Variants in BOD1L1 observed in about 807,000 individuals in gnomAD.
BOD1L1 encodes biorientation of chromosomes in cell division 1 like 1, also known as biorientation of chromosomes in cell division protein 1-like 1.
A neutral mutation model predicts 240.7 loss-of-function variants in BOD1L1; 86 were observed. The ratio of observed to expected loss-of-function variants is 0.36; its 90% confidence interval spans 0.30 to 0.43. The LOEUF is 0.43. Ranked by LOEUF, BOD1L1 falls within the 20% of genes least tolerant of loss-of-function variation. The pLI, the probability that BOD1L1 is intolerant of heterozygous loss-of-function variation, is 1.00. For synonymous variants in BOD1L1, 1,268 were observed against 1,272.3 expected (o/e 1.00, Z 0.07); for missense variants, 3,554 against 3,643.5 (o/e 0.98, Z 0.63).
At chr4:13,580,040 C>A (rs1321104728) in intron 21 of BOD1L1, 67 bp from the exon 22 acceptor site, 2 of 1,140,742 alleles carry the variant, frequency 1.8e-6, no homozygotes, top group African/African-American at 1.5e-5. Context: ...CATAGAAATG[C>A]AATCAATGAT....
chr4:13,591,854 T>C (rs543058687), intron 13 of BOD1L1, 69 bp downstream of exon 13: 18 of 1,259,074 alleles, frequency 1.4e-5, no homozygotes, highest in African/African-American at 4.6e-5. Context: ...TCCTCCTCAA[T>C]AGCTCTCCAA....
At position 13,604,249 on chromosome 4, in the gene BOD1L1, T is replaced by A; in HGVS notation, c.2651A>T (p.Asp884Val). The change falls in exon 10 of 26, where the codon GAT (aspartate) becomes GTT (valine). Residue 884 changes from aspartate to valine, a missense_variant. By Grantham distance (152) the Asp-to-Val change is radical (BLOSUM62 -3). This residue lies in a region of BOD1L1 where 3,393 missense variants were observed against 3,427.1 expected (regional missense o/e 0.99). Transcript: ENST00000040738. ...AACCTCTTCTGGTTTCAAATTACTA[T>A]CCATGTTAGTGGAGTCCATATCACA... ...DKCDMDSTNM[D>V]SNLKPEEVVH... is the part of the protein sequence containing the mutation. 1 of 1,613,642 alleles carries A rather than the reference T, an allele frequency of 6.2e-7. No homozygotes were observed. Among genetic ancestry groups the A allele is most frequent in the East Asian group, 2.2e-5 (1 of 44,874 alleles).
rs940095131 is a variant in BOD1L1 at position 13,598,934 on chromosome 4, A to G, written c.7954+12T>C. 4 of 1,583,552 alleles carry G rather than the reference A, an allele frequency of 2.5e-6. No individual in the cohort carries two copies. Among genetic ancestry groups the G allele is most frequent in the Middle Eastern group, 1.7e-4 (1 of 5,886 alleles). On this transcript the variant is annotated intron_variant, in intron 10 of 25. Transcript: ENST00000040738. ...TAAATATTAAAATTTGCAATTAGGT[A>G]CAGATTCTCACCTATGTCACACACA...
At chr4:13,626,914 A>G (rs1159533896) in intron 1 of BOD1L1, among the ~76,000 whole-genome samples, 2 of 152,256 alleles carry the variant, frequency 1.3e-5, no homozygotes, top group African/African-American at 4.8e-5. Context: ...AGCAAAGCAT[A>G]TTACACATAA....
chr4:13,596,008 A>G, intron 11 of BOD1L1, 64 bp from the exon 12 acceptor site: 2 of 1,353,056 alleles, frequency 1.5e-6, no homozygotes, highest in South Asian at 2.5e-5. Context: ...ACTAACCTCA[A>G]GTGAATTAAA....
Position 13,603,278 on chromosome 4 carries a change from G to A in BOD1L1, c.3622C>T (p.His1208Tyr), listed in dbSNP as rs1413329782. Residue 1208 changes from histidine to tyrosine, a missense_variant, in exon 10 of 26, where the codon CAT becomes TAT. His to Tyr is a moderately conservative substitution (Grantham distance 83). This residue lies in a region of BOD1L1 where 3,393 missense variants were observed against 3,427.1 expected (regional missense o/e 0.99). Coordinates refer to ENST00000040738, the MANE Select transcript of BOD1L1 (RefSeq NM_148894.3). ...ATTTTGGACACAGCACTTTGTATAT[G>A]CATTTTCTTGGTCAAGGTGCTTCTA... ...DHRSTLTKKM[H>Y]IQSAVSKMNP... 3 of 1,613,898 alleles carry A rather than the reference G, an allele frequency of 1.9e-6. No individual in the cohort carries two copies. The South Asian group carries it at 3.3e-5, about 18-fold the overall frequency.
intron 3 of BOD1L1, 140 bp downstream of exon 3, chr4:13,615,172 A>G: frequency 1.2e-6 from 1 of 855,686 alleles, no homozygotes; most frequent in South Asian, 2.2e-5. Flanking sequence ...ATGGCAATTG[A>G]GGAATTTAGG....
rs533285916 is a variant in BOD1L1, at chr4:13,569,943, G to T, written c.*68C>A. 8.4e-7 allele frequency: 1 copy of T among 1,189,444 alleles called. No homozygotes were observed. Among genetic ancestry groups the T allele is most frequent in the African/African-American group, 1.6e-5 (1 of 62,680 alleles). 73.7% of individuals were successfully genotyped at this position (1,189,444 alleles called of 1,614,324 possible). A position where few individuals can be genotyped will look rare whatever the true frequency, so the allele number is the denominator to read the frequency against. ...TTTCCTGGTTAAAGAGAAGCCTATG[G>T]CCACCAAGGCATGTCTCTTTCCTCT... On this transcript the variant is annotated 3_prime_UTR_variant, in exon 26 of 26. Transcript: ENST00000040738.
At chr4:13,611,949 T>C (rs1244304097) in intron 5 of BOD1L1, among the ~76,000 whole-genome samples, 1 of 152,176 alleles carries the variant, frequency 6.6e-6, no homozygotes, top group Non-Finnish European at 1.5e-5. Flanking sequence ...AAAATAGCCA[T>C]CTTCTTCTCA....
rs773572444 is a variant in BOD1L1, at chr4:13,577,430, G to T, written c.8857C>A (p.Arg2953Ser). ...GCATCATCTGATACAGTGAGAGAAC[G>T]TTTGGGTTTTCTTCCTCTCCGACGC... ...SVRRRGRKPK[R>S]SLTVSDDAES... The change falls in exon 24 of 26, where the codon CGT (arginine) becomes AGT (serine). Residue 2953 changes from arginine to serine, a missense_variant. Arg to Ser is a moderately radical substitution (Grantham distance 110). Transcript: ENST00000040738. 1.9e-6 allele frequency: 3 copies of T among 1,613,714 alleles called. No individual in the cohort carries two copies. Among genetic ancestry groups the T allele is most frequent in the East Asian group, 4.5e-5 (2 of 44,844 alleles).
chr4:13,626,374 C>T (rs1196810596), intron 1 of BOD1L1: 2 of 153,000 alleles, frequency 1.3e-5, no homozygotes, highest in Non-Finnish European at 3.0e-5. Flanking sequence ...AACTCCAATC[C>T]AATGGACCCA....
intron 22 of BOD1L1, among the ~76,000 whole-genome samples, chr4:13,578,543 T>C (rs935883750): frequency 2.6e-5 from 4 of 152,164 alleles, no homozygotes; most frequent in African/African-American, 9.7e-5. Flanking sequence ...GATATATAAC[T>C]GGTACTTTTG....
rs1467011173 is a variant in BOD1L1 at position 13,597,177 on chromosome 4, A to G, written c.7955-9T>C. 1.9e-6 allele frequency: 3 copies of G among 1,584,844 alleles called. No homozygotes were observed. The East Asian group carries it at 6.8e-5, about 36-fold the overall frequency. On this transcript the variant is annotated splice_polypyrimidine_tract_variant and intron_variant, in intron 10 of 25. Coordinates refer to ENST00000040738, the MANE Select transcript of BOD1L1 (RefSeq NM_148894.3). ...TGGAGACTCTTCATTGCCTAATAAA[A>G]TTCAAGCCATTTAGTACAGTTTAAG... is the stretch of plus-strand genomic sequence containing the variant.
Position 13,599,430 on chromosome 4 carries a change from T to C in BOD1L1, c.7470A>G (p.Ser2490=). 2 of 1,614,022 alleles carry C rather than the reference T, an allele frequency of 1.2e-6. No individual in the cohort carries two copies. Among genetic ancestry groups the C allele is most frequent in the Non-Finnish European group, 1.7e-6 (2 of 1,179,886 alleles). Residue 2490 remains serine, a synonymous_variant, in exon 10 of 26, where the codon TCA becomes TCG. Transcript: ENST00000040738. ...TAGGSSTASY[S]AGRGLEGNAN... is the part of the protein sequence containing the mutation. ...CATTCCCCTCTAAGCCCCTTCCTGCTGAATAACTTGCTGTGCTACTGCCCC... is the reference window on the plus strand; with the variant it reads ...CATTCCCCTCTAAGCCCCTTCCTGCCGAATAACTTGCTGTGCTACTGCCCC...
intron 1 of BOD1L1, among the ~76,000 whole-genome samples, chr4:13,620,371 C>T (rs550577925): frequency 6.6e-6 from 1 of 152,118 alleles, no homozygotes; most frequent in African/African-American, 2.4e-5. Context: ...AGGAAGCATG[C>T]CTTCACTGAA....
At position 13,582,310 on chromosome 4, in the gene BOD1L1, T is replaced by A. The variant is rs141975549; in HGVS notation, c.8519A>T (p.Asp2840Val). 11 of 1,612,492 alleles carry A rather than the reference T, an allele frequency of 6.8e-6. No homozygotes were observed. In the Middle Eastern group the frequency reaches 8.3e-4, roughly 121 times the overall value. The change falls in exon 19 of 26, where the codon GAT (aspartate) becomes GTT (valine). Residue 2840 changes from aspartate to valine, a missense_variant and splice_region_variant. Transcript: ENST00000040738. ...AGTAGTTTCACTGCTGCTATATTCA[T>A]CTGTAGAAAAGGAAGAACTTTGTTC... ...STTSRVMEEK[D>V]EYSSSETTGE... is the part of the protein sequence containing the mutation.
At position 13,605,009 on chromosome 4, in the gene BOD1L1, C is replaced by A. The variant is rs1234137662; in HGVS notation, c.1891G>T (p.Ala631Ser). 6.8e-6 allele frequency: 11 copies of A among 1,610,068 alleles called. No individual in the cohort carries two copies. Among genetic ancestry groups the A allele is most frequent in the African/African-American group, 1.3e-5 (1 of 74,762 alleles). Residue 631 changes from alanine (A) to serine (S), a missense_variant, in exon 10 of 26, where the codon GCC becomes TCC. Physicochemically the swap from Ala to Ser is moderately conservative, Grantham distance 99 (BLOSUM62 1). Coordinates refer to ENST00000040738, the MANE Select transcript of BOD1L1 (RefSeq NM_148894.3). ...TGCAAAGACTCTGAAAGTCTCCGGG[C>A]AGGTTTACTTGGTTCACTTTTTGCA... ...VHAKSEPSKP[A>S]RRLSESLHVV... is the part of the protein sequence containing the mutation.
chr4:13,608,865 G>T (rs1715937893), intron 7 of BOD1L1, among the ~76,000 whole-genome samples, 197 bp from the exon 8 acceptor site: 1 of 152,158 alleles, frequency 6.6e-6, no homozygotes, highest in Non-Finnish European at 1.5e-5. Flanking sequence ...ATAAGTGTGT[G>T]TATGTGTGAT....
intron 7 of BOD1L1, 84 bp from the exon 8 acceptor site, chr4:13,608,752 A>G (rs1000254429): frequency 8.2e-7 from 1 of 1,223,732 alleles, no homozygotes; most frequent in African/African-American, 1.6e-5. Context: ...GATTTTTCTA[A>G]TCATTGTTAA....
Sources: allele counts gnomAD v4.1 joint callset (sites outside exome capture counted in the v4.1 genomes callset), GRCh38; gene constraint gnomAD v4.1.1; regional missense constraint gnomAD v4.1.1; transcripts MANE v1.5; gene names NCBI Gene and HGNC (gene_info 2026-07-23, HGNC 2026-07-21).